Variants in MAPK10 observed in about 807,000 individuals in gnomAD.
MAPK10 encodes JNK3 alpha protein kinase.
A neutral mutation model predicts 59.3 loss-of-function variants in MAPK10; 25 were observed. The observed-to-expected ratio is 0.42, with a 90% confidence interval of 0.31 to 0.59. The LOEUF (loss-of-function observed/expected upper bound fraction) is 0.59, where lower values mean the gene tolerates loss of function less well. Among genes scored for constraint, MAPK10 ranks in the 20% least tolerant of loss-of-function variants. MAPK10 has a pLI of 0.15. For synonymous variants in MAPK10, 190 were observed against 200.5 expected (o/e 0.95, Z 0.44); for missense variants, 351 against 568.9 (o/e 0.62, Z 3.90).
At chr4:86,251,251 T>A (rs948967547) in intron 2 of MAPK10, among the ~76,000 whole-genome samples, 12 of 152,032 alleles carry the variant, frequency 7.9e-5, no homozygotes, top group African/African-American at 2.9e-4. Flanking sequence ...TGTATACATG[T>A]GCCATGCTGG....
chr4:86,299,559 C>T (rs1040594850), intron 2 of MAPK10, among the ~76,000 whole-genome samples: 2 of 152,154 alleles, frequency 1.3e-5, no homozygotes, highest in Non-Finnish European at 2.9e-5. Context: ...TCCCACCCTA[C>T]TAAACTGTGA....
intron 1 of MAPK10, among the ~76,000 whole-genome samples, chr4:86,546,488 C>T (rs578137745): frequency 4.0e-5 from 6 of 148,874 alleles, no homozygotes; most frequent in South Asian, 2.1e-4. Context: ...ACCTGGGAAG[C>T]GGAGGTTGCA....
intron 2 of MAPK10, among the ~76,000 whole-genome samples, chr4:86,295,019 C>A (rs949619270): frequency 6.6e-6 from 1 of 152,200 alleles, no homozygotes; most frequent in Non-Finnish European, 1.5e-5. Context: ...AGAAGGGTAT[C>A]ACTCGCATGG....
At chr4:86,260,560 T>C (rs2093946906) in intron 2 of MAPK10, among the ~76,000 whole-genome samples, 1 of 151,850 alleles carries the variant, frequency 6.6e-6, no homozygotes, top group African/African-American at 2.4e-5. Context: ...CAAGGGAGAG[T>C]TCTTAGGCAC....
intron 2 of MAPK10, among the ~76,000 whole-genome samples, chr4:86,350,113 G>A (rs932145247): frequency 2.6e-4 from 39 of 152,186 alleles, no homozygotes; most frequent in South Asian, 2.1e-4. Flanking sequence ...GTACAGTGGT[G>A]CAATCTCGAT....
At position 86,194,725 on chromosome 4, in the gene MAPK10, CA is replaced by C. The variant is rs61032452; in HGVS notation, c.-6-319del. 7.7e-3 allele frequency among the ~76,000 whole-genome samples: 1,151 copies of C among 149,140 alleles called. 14 individuals are homozygous for C. Among genetic ancestry groups the C allele is most frequent in the African/African-American group, 0.026 (1,069 of 40,728 alleles). On this transcript the variant is annotated intron_variant, in intron 2 of 13. Transcript: ENST00000641462. The stretch of plus-strand genomic sequence containing the variant: ...TTTTCAGTTCTTAACATTTAATTTA[CA>C]AAAAAAAACTCTCAAACATATGCTC...
At chr4:86,339,615 G>A (rs1723679939) in intron 2 of MAPK10, among the ~76,000 whole-genome samples, 1 of 152,100 alleles carries the variant, frequency 6.6e-6, no homozygotes, top group South Asian at 2.1e-4. Context: ...CACAGATTTT[G>A]TTTCACCATT....
At chr4:86,561,215 T>C (rs573624068) in intron 1 of MAPK10, among the ~76,000 whole-genome samples, 2 of 152,204 alleles carry the variant, frequency 1.3e-5, no homozygotes, top group South Asian at 4.1e-4. Context: ...GTGGTAATGC[T>C]CCAGCCCAGT....
At chr4:86,202,660 T>C (rs553038217) in intron 2 of MAPK10, among the ~76,000 whole-genome samples, 83 of 152,014 alleles carry the variant, frequency 5.5e-4, no homozygotes, top group African/African-American at 1.8e-3. Flanking sequence ...ACTTCAGAAA[T>C]GCTACCCAGC....
intron 10 of MAPK10, 103 bp from the exon 11 acceptor site, chr4:86,064,493 C>T: frequency 9.2e-7 from 1 of 1,082,602 alleles, no homozygotes; most frequent in Non-Finnish European, 1.4e-6. Flanking sequence ...TAGTATCTTC[C>T]TTCCAAACAT....
At chr4:86,023,812 AATATATATATATATATATATAT>A (rs368982706) in intron 13 of MAPK10, 41 of 100,428 alleles carry the variant, frequency 4.1e-4, no homozygotes, top group African/African-American at 1.5e-3. Flanking sequence ...AGATCAAATG[AATATATATATATATATATATAT>A]ATATATATAT....
intron 1 of MAPK10, among the ~76,000 whole-genome samples, chr4:86,381,887 C>T (rs894723773): frequency 6.6e-6 from 1 of 152,104 alleles, no homozygotes; most frequent in African/African-American, 2.4e-5. Context: ...GAGGAGGGGG[C>T]ACATTCAGGC....
In MAPK10 at chr4:86,385,776, C is replaced by T. The variant is rs1311142466; in HGVS notation, c.-121-31132G>A. Among the ~76,000 whole-genome samples the T allele has an allele frequency of 2.0e-5, 3 of 152,264 alleles. No individual in the cohort carries two copies. In the East Asian group the frequency reaches 5.8e-4, roughly 29 times the overall value. ...AACACCCAACACTCCATTAAAATTA[C>T]CTGGGTATAATCTCTATGATGTCAG... is the stretch of plus-strand genomic sequence containing the variant. On this transcript the variant is annotated intron_variant, in intron 1 of 13. Coordinates refer to the MAPK10 transcript ENST00000361569.
chr4:86,197,296 T>C (rs1469712693), intron 2 of MAPK10, among the ~76,000 whole-genome samples: 9 of 152,182 alleles, frequency 5.9e-5, no homozygotes. Flanking sequence ...GTAAGTTGTC[T>C]TCCTAGGTAT....
intron 1 of MAPK10, among the ~76,000 whole-genome samples, chr4:86,366,111 C>G (rs767499440): frequency 2.6e-5 from 4 of 152,014 alleles, no homozygotes; most frequent in Non-Finnish European, 5.9e-5. Flanking sequence ...AGATGAATCT[C>G]GAAACATGCT....
chr4:86,477,132 A>C (rs919190385), intron 1 of MAPK10, among the ~76,000 whole-genome samples: 4 of 152,134 alleles, frequency 2.6e-5, no homozygotes, highest in Non-Finnish European at 5.9e-5. Flanking sequence ...CTCACAGTGG[A>C]GGGTAAGTCC....
At chr4:86,201,162 G>C (rs1221577179) in intron 2 of MAPK10, among the ~76,000 whole-genome samples, 1 of 151,776 alleles carries the variant, frequency 6.6e-6, no homozygotes, top group African/African-American at 2.4e-5. Flanking sequence ...CCATGTTGTT[G>C]TAAATGACAG....
intron 9 of MAPK10, among the ~76,000 whole-genome samples, chr4:86,084,146 C>T (rs907015572): frequency 5.3e-5 from 8 of 151,914 alleles, no homozygotes; most frequent in South Asian, 2.1e-4. Context: ...GACTATGGGG[C>T]GAGACAAAAA....
intron 1 of MAPK10, among the ~76,000 whole-genome samples, chr4:86,480,336 G>A (rs189625149): frequency 1.3e-5 from 2 of 150,796 alleles, no homozygotes; most frequent in African/African-American, 2.4e-5. Context: ...ACTCCTGCCC[G>A]CCAGAGAACA....
Sources: allele counts gnomAD v4.1 joint callset (sites outside exome capture counted in the v4.1 genomes callset), GRCh38; gene constraint gnomAD v4.1.1; transcripts MANE v1.5; gene names NCBI Gene and HGNC (gene_info 2026-07-23, HGNC 2026-07-21).